FSTL5: variants seen among roughly 807,000 people sequenced by gnomAD.
FSTL5 encodes the protein follistatin-related protein 5.
Under a neutral mutation model 89.1 loss-of-function variants are expected in FSTL5, and 62 were observed. The ratio of observed to expected loss-of-function variants is 0.70; its 90% CI spans 0.57 to 0.86. The LOEUF (loss-of-function observed/expected upper bound fraction) is 0.86, where lower values mean the gene tolerates loss of function less well. Ranked by LOEUF, FSTL5 falls within the 40% of genes least tolerant of loss-of-function variation. The pLI is 0.00. For synonymous variants in FSTL5, 383 were observed against 346.2 expected (o/e 1.11, Z -1.18); for missense variants, 1,057 against 1,001.6 (o/e 1.06, Z -0.75).
chr4:161,993,863 A>G (rs1448022298), intron 3 of FSTL5, among the ~76,000 whole-genome samples: 1 of 152,164 alleles, frequency 6.6e-6, no homozygotes, highest in East Asian at 1.9e-4. Context: ...GACTAAAAAT[A>G]TTGACAATTT....
intron 7 of FSTL5, among the ~76,000 whole-genome samples, chr4:161,604,523 T>C (rs924736054): frequency 2.6e-5 from 4 of 152,136 alleles, no homozygotes; most frequent in African/African-American, 7.2e-5. Context: ...TGGAATGACA[T>C]AGTACTCCCA....
At chr4:162,115,563 G>A (rs1010536360) in intron 1 of FSTL5, among the ~76,000 whole-genome samples, 1 of 152,206 alleles carries the variant, frequency 6.6e-6, no homozygotes, top group Non-Finnish European at 1.5e-5. Flanking sequence ...AGCTGGAACA[G>A]ATGGTGCAAT....
intron 7 of FSTL5, among the ~76,000 whole-genome samples, chr4:161,607,140 G>A (rs1235276100): frequency 6.6e-6 from 1 of 152,090 alleles, no homozygotes; most frequent in African/African-American, 2.4e-5. Context: ...AATATAATGA[G>A]TCTGAAGACT....
At chr4:161,924,208 T>C (rs1734064804) in intron 3 of FSTL5, among the ~76,000 whole-genome samples, 1 of 151,652 alleles carries the variant, frequency 6.6e-6, no homozygotes, top group African/African-American at 2.4e-5. Context: ...TTATAATTTT[T>C]ATTCCTTCAG....
intron 12 of FSTL5, among the ~76,000 whole-genome samples, chr4:161,486,754 C>A (rs1729694868): frequency 1.3e-5 from 2 of 152,120 alleles, no homozygotes; most frequent in African/African-American, 2.4e-5. Flanking sequence ...CTTCTGTTTT[C>A]TTCAGAGTTT....
At chr4:161,684,932 G>A (rs1462217612) in intron 6 of FSTL5, among the ~76,000 whole-genome samples, 1 of 152,102 alleles carries the variant, frequency 6.6e-6, no homozygotes, top group African/African-American at 2.4e-5. Context: ...TTTGTATAAG[G>A]TGAGAGACGA....
chr4:161,720,578 T>C (rs1739163534), intron 6 of FSTL5, among the ~76,000 whole-genome samples: 1 of 152,180 alleles, frequency 6.6e-6, no homozygotes, highest in African/African-American at 2.4e-5. Context: ...CATTATGGTA[T>C]TATTCACTAT....
intron 4 of FSTL5, among the ~76,000 whole-genome samples, chr4:161,804,778 T>C (rs1729906778): frequency 1.3e-5 from 2 of 152,086 alleles, no homozygotes; most frequent in South Asian, 2.1e-4. Context: ...ACGAAGGGAC[T>C]CTTAAGACCT....
Position 161,460,143 on chromosome 4 carries a change from A to C in FSTL5, c.1609-824T>G, listed in dbSNP as rs1733507279. ...ATGTAGCATAAAACAAATTGTATCC[A>C]GTAAAGTAAACTTTATCCAACAGTG... is the stretch of plus-strand genomic sequence containing the variant. On this transcript the variant is annotated intron_variant, in intron 13 of 15. Coordinates refer to ENST00000306100, the MANE Select transcript of FSTL5 (RefSeq NM_020116.5). Among the ~76,000 whole-genome samples, 5 of 152,076 alleles carry C rather than the reference A, an allele frequency of 3.3e-5. No individual in the cohort carries two copies. The South Asian group carries it at 1.0e-3, about 31-fold the overall frequency.
chr4:161,671,169 T>C (rs1287823231), intron 6 of FSTL5, among the ~76,000 whole-genome samples: 2 of 152,208 alleles, frequency 1.3e-5, no homozygotes, highest in African/African-American at 4.8e-5. Flanking sequence ...GCTCCTTTTT[T>C]TACATTGTGC....
chr4:161,450,087 C>T (rs1733109663), intron 15 of FSTL5, among the ~76,000 whole-genome samples: 1 of 152,092 alleles, frequency 6.6e-6, no homozygotes, highest in African/African-American at 2.4e-5. Flanking sequence ...AAATAATTCT[C>T]AGGAAGGATT....
rs1491313878 is a variant in FSTL5 at position 161,872,140 on chromosome 4, G to GT, written c.409+48263_409+48264insA. On this transcript the variant is annotated intron_variant, in intron 4 of 15. Coordinates refer to ENST00000306100, the MANE Select transcript of FSTL5 (RefSeq NM_020116.5). The stretch of plus-strand genomic sequence containing the variant: ...GGCTTTGTAGTTTGTTTTTTTTTTT[G>GT]GTTTTTTTTTTTTTTTTTGTAGAGA... Among the ~76,000 whole-genome samples, 56 of 67,506 alleles carry GT rather than the reference G, an allele frequency of 8.3e-4. 7 individuals carry two copies. Among genetic ancestry groups the GT allele is most frequent in the South Asian group, 4.2e-3 (9 of 2,158 alleles). The allele number at this position is 67,506 out of a possible 152,430, so 44.3% of individuals were successfully genotyped here. A position where few individuals can be genotyped will look rare whatever the true frequency, so the allele number is the denominator to read the frequency against.
intron 2 of FSTL5, among the ~76,000 whole-genome samples, chr4:162,084,612 T>G (rs907181302): frequency 5.3e-5 from 8 of 152,122 alleles, no homozygotes; most frequent in African/African-American, 1.7e-4. Context: ...AATTAGTTCA[T>G]GTCCTTTGCA....
chr4:162,081,187 T>A (rs987093124), intron 2 of FSTL5, among the ~76,000 whole-genome samples: 1 of 151,658 alleles, frequency 6.6e-6, no homozygotes, highest in Admixed American at 6.6e-5. Context: ...ATACTAGCAA[T>A]ATGGGGATTT....
intron 7 of FSTL5, among the ~76,000 whole-genome samples, chr4:161,619,881 C>T (rs1735051890): frequency 6.6e-6 from 1 of 152,034 alleles, no homozygotes; most frequent in African/African-American, 2.4e-5. Context: ...TATAAAGACA[C>T]ATGCACACGT....
At chr4:161,829,798 A>G (rs892259958) in intron 4 of FSTL5, among the ~76,000 whole-genome samples, 40 of 152,110 alleles carry the variant, frequency 2.6e-4, no homozygotes, top group African/African-American at 9.4e-4. Flanking sequence ...TTACACAAGC[A>G]TACACAGAAT....
At chr4:161,823,220 G>T (rs911105578) in intron 4 of FSTL5, among the ~76,000 whole-genome samples, 20 of 152,066 alleles carry the variant, frequency 1.3e-4, no homozygotes, top group African/African-American at 4.6e-4. Context: ...TCGCTTGAAG[G>T]TCCTGTTTCA....
intron 6 of FSTL5, among the ~76,000 whole-genome samples, chr4:161,753,124 A>G (rs1740456481): frequency 1.3e-5 from 2 of 152,136 alleles, no homozygotes; most frequent in South Asian, 4.1e-4. Context: ...ATCTTGAATG[A>G]CCCAACCTTC....
chr4:161,885,075 T>C (rs572124675), intron 4 of FSTL5, among the ~76,000 whole-genome samples: 76 of 152,226 alleles, frequency 5.0e-4, no homozygotes, highest in Admixed American at 1.1e-3. Flanking sequence ...AAGATAGATA[T>C]TATCAAAAGT....
Sources: allele counts gnomAD v4.1 joint callset (sites outside exome capture counted in the v4.1 genomes callset), GRCh38; gene constraint gnomAD v4.1.1; transcripts MANE v1.5; gene names NCBI Gene and HGNC (gene_info 2026-07-23, HGNC 2026-07-21).